The following ITSN2 variants were observed in gnomAD, a reference collection of about 807,000 sequenced individuals.
ITSN2 encodes the protein intersectin 2.
In ITSN2, 156 loss-of-function variants were observed where a neutral mutation model predicts 243.7. The observed-to-expected ratio is 0.64, with a 90% CI of 0.56 to 0.73. The LOEUF (loss-of-function observed/expected upper bound fraction) is 0.73, where lower values mean the gene tolerates loss of function less well. Ranked by LOEUF, ITSN2 falls within the 30% of genes least tolerant of loss-of-function variation. The pLI is 0.00. For synonymous variants in ITSN2, 703 were observed against 699.9 expected (o/e 1.00, Z -0.07); for missense variants, 1,801 against 1,996.1 (o/e 0.90, Z 1.86).
chr2:24,260,347 T>C (rs1675660573), intron 22 of ITSN2, among the ~76,000 whole-genome samples: 1 of 152,086 alleles, frequency 6.6e-6, no homozygotes, highest in Non-Finnish European at 1.5e-5. Context: ...GACTTTATTC[T>C]GATGAAGTCT....
chr2:24,248,750 T>G lies in ITSN2; in HGVS notation c.3167A>C (p.Glu1056Ala). The change falls in exon 27 of 40, where the codon GAG (glutamate) becomes GCG (alanine). Residue 1056 changes from glutamate to alanine, a missense_variant and splice_region_variant. Transcript: ENST00000355123. ...SKSGASNKKP[E>A]IAQVTSAYVA... ...ATATGCTGAAGTTACCTGAGCAATC[T>G]CTGAAAAGACAAAGAAGAAACTATG... 5 of 1,613,326 alleles carry G rather than the reference T, an allele frequency of 3.1e-6. No individual in the cohort carries two copies. Among genetic ancestry groups the G allele is most frequent in the Non-Finnish European group, 4.2e-6 (5 of 1,179,714 alleles).
At chr2:24,245,057 A>G (rs1673171122) in intron 29 of ITSN2, among the ~76,000 whole-genome samples, 1 of 152,228 alleles carries the variant, frequency 6.6e-6, no homozygotes, top group South Asian at 2.1e-4. Flanking sequence ...TAAAAATAAA[A>G]CTAAAAATTA....
chr2:24,274,319 C>T (rs1677751528), intron 18 of ITSN2, among the ~76,000 whole-genome samples: 1 of 152,156 alleles, frequency 6.6e-6, no homozygotes, highest in South Asian at 2.1e-4. Context: ...CCTATAATCC[C>T]AGCACTTTAG....
In ITSN2 at chr2:24,251,309, C is replaced by CAAAAAAAAAAAAAAAAA. The variant is rs1553355845; in HGVS notation, c.3120+1035_3120+1036insTTTTTTTTTTTTTTTTT. 6.1e-3 allele frequency among the ~76,000 whole-genome samples: 134 copies of CAAAAAAAAAAAAAAAAA among 22,010 alleles called. 62 individuals are homozygous for CAAAAAAAAAAAAAAAAA. The highest frequency in any genetic ancestry group is 0.056 in the Middle Eastern group (2 of 36). 14.4% of individuals were successfully genotyped at this position (22,010 alleles called of 152,430 possible). ...TGGGCAACAGAACTAAACTCCATCTCAAAAAAAAAAAAAAATAAAATATAT... is the reference window on the plus strand; with the variant it reads ...TGGGCAACAGAACTAAACTCCATCTCAAAAAAAAAAAAAAAAAAAAAAAAAAAAAAAATAAAATATAT... On this transcript the variant is annotated intron_variant, in intron 25 of 39. Transcript: ENST00000355123.
At chr2:24,267,460 T>C (rs1290759636) in intron 20 of ITSN2, among the ~76,000 whole-genome samples, 1 of 151,940 alleles carries the variant, frequency 6.6e-6, no homozygotes, top group Non-Finnish European at 1.5e-5. Flanking sequence ...GGTACACATA[T>C]GTACATACAT....
Position 24,252,256 on chromosome 2 carries a change from C to T in ITSN2, c.3120+89G>A, listed in dbSNP as rs1159808379. The T allele has an allele frequency of 1.5e-5, 15 of 971,170 alleles. No homozygotes were observed. The East Asian group carries it at 3.5e-4, about 23-fold the overall frequency. 60.2% of individuals were successfully genotyped at this position (971,170 alleles called of 1,614,324 possible). A position where few individuals can be genotyped will look rare whatever the true frequency, so the allele number is the denominator to read the frequency against. ...ATCTCTAAGTATAAATCTTGATTAA[C>T]AAGAATGGGTTGATTTTATTTTTAA... On this transcript the variant is annotated intron_variant, in intron 25 of 39. Transcript: ENST00000355123.
At chr2:24,334,022 G>A (rs1362245612) in intron 1 of ITSN2, among the ~76,000 whole-genome samples, 44 of 151,632 alleles carry the variant, frequency 2.9e-4, no homozygotes, top group Admixed American at 6.6e-5. Flanking sequence ...CTTAAGTAGC[G>A]GGGACTACAA....
At chr2:24,359,974 C>T (rs1688802428) in intron 1 of ITSN2, among the ~76,000 whole-genome samples, 2 of 152,212 alleles carry the variant, frequency 1.3e-5, no homozygotes, top group African/African-American at 4.8e-5. Context: ...CACGCCACCC[C>T]CGACCCTCGC....
chr2:24,264,373 A>G (rs1480080105), intron 20 of ITSN2, among the ~76,000 whole-genome samples: 2 of 150,458 alleles, frequency 1.3e-5, no homozygotes, highest in African/African-American at 2.4e-5. Context: ...GGGCAACAAG[A>G]GCGAAACTCT....
At chr2:24,327,666 G>C (rs911700454) in intron 2 of ITSN2, among the ~76,000 whole-genome samples, 1 of 151,790 alleles carries the variant, frequency 6.6e-6, no homozygotes, top group Non-Finnish European at 1.5e-5. Flanking sequence ...TTATCTAAAG[G>C]GAAAACATAA....
chr2:24,205,190 T>C (rs976197129), intron 38 of ITSN2, 24 bp downstream of exon 38: 7 of 1,599,036 alleles, frequency 4.4e-6, no homozygotes, highest in Non-Finnish European at 6.0e-6. Flanking sequence ...TTATGTCTGC[T>C]GAATGAATCA....
Position 24,271,843 on chromosome 2 carries a change from T to C in ITSN2, c.2180A>G (p.Lys727Arg). 1 of 1,610,910 alleles carries C rather than the reference T, an allele frequency of 6.2e-7. No homozygotes were observed. Among genetic ancestry groups the C allele is most frequent in the East Asian group, 2.2e-5 (1 of 44,802 alleles). Reference protein sequence around the residue: ...KRLQEEKTQEKIQEEERKAEE... With the variant: ...KRLQEEKTQERIQEEERKAEE... ...AGCTTTCCGTTCCTCTTCTTGAATTTTTTCTTGTGTTTTTTCTTCCTGGAG... is the reference window on the plus strand; with the variant it reads ...AGCTTTCCGTTCCTCTTCTTGAATTCTTTCTTGTGTTTTTTCTTCCTGGAG... Residue 727 changes from lysine (K) to arginine (R), a missense_variant, in exon 19 of 40, where the codon AAA (lysine) becomes AGA (arginine). Physicochemically the swap from Lys to Arg is conservative, Grantham distance 26. Coordinates refer to ENST00000355123, the MANE Select transcript of ITSN2 (RefSeq NM_006277.3).
At position 24,211,329 on chromosome 2, in the gene ITSN2, T is replaced by C. The variant is rs185852480; in HGVS notation, c.4090-382A>G. Among the ~76,000 whole-genome samples, 11 of 152,320 alleles carry C rather than the reference T, an allele frequency of 7.2e-5. No homozygotes were observed. The East Asian group carries it at 2.1e-3, about 29-fold the overall frequency. The stretch of plus-strand genomic sequence containing the variant: ...GCAGCTGTGGTAAGTGTGAACTTGC[T>C]GAATAGCAATGGTTCATAACAATTT... On this transcript the variant is annotated intron_variant, in intron 33 of 39. Transcript: ENST00000355123. The surrounding 1 kb of genome is among the most constrained non-coding windows in gnomAD (Gnocchi z 4.1).
chr2:24,308,982 C>T (rs1682905461), intron 7 of ITSN2: 1 of 517,952 alleles, frequency 1.9e-6, no homozygotes, highest in African/African-American at 2.0e-5. Flanking sequence ...ATTAGATTCT[C>T]ATAAGAGTGC....
chr2:24,293,594 A>T lies in ITSN2; in HGVS notation c.1723+94T>A, dbSNP rs540409553. 7.5e-6 allele frequency: 4 copies of T among 531,412 alleles called. No individual in the cohort carries two copies. The African/African-American group carries it at 8.1e-5, about 11-fold the overall frequency. 32.9% of individuals were successfully genotyped at this position (531,412 alleles called of 1,614,324 possible). A position where few individuals can be genotyped will look rare whatever the true frequency, so the allele number is the denominator to read the frequency against. ...ACAGGCAAAAAGTGTTATTTATAAC[A>T]GAATACTTTTTTTAATTTTAAAAAA... On this transcript the variant is annotated intron_variant, in intron 15 of 39. Coordinates refer to ENST00000355123, the MANE Select transcript of ITSN2 (RefSeq NM_006277.3).
chr2:24,288,572 T>C (rs1176038219), intron 15 of ITSN2, among the ~76,000 whole-genome samples: 1 of 152,164 alleles, frequency 6.6e-6, no homozygotes, highest in African/African-American at 2.4e-5. Context: ...CTTGTATTTA[T>C]AGTACGCATG....
chr2:24,233,784 G>T (rs115220991), intron 29 of ITSN2, among the ~76,000 whole-genome samples: 2 of 152,104 alleles, frequency 1.3e-5, no homozygotes, highest in Non-Finnish European at 2.9e-5. Flanking sequence ...GCTAAGGCTC[G>T]GAGGGGTGAG....
At chr2:24,296,868 G>A (rs148608272) in intron 13 of ITSN2, among the ~76,000 whole-genome samples, 15 of 152,166 alleles carry the variant, frequency 9.9e-5, no homozygotes, top group African/African-American at 3.6e-4. Context: ...AGGAACATGT[G>A]TATCTCTGCT....
intron 37 of ITSN2, among the ~76,000 whole-genome samples, chr2:24,207,429 C>T (rs996546278): frequency 6.6e-6 from 1 of 151,962 alleles, no homozygotes; most frequent in Non-Finnish European, 1.5e-5. Context: ...TGGGAAAAGC[C>T]GATGTGTGAT....
Sources: allele counts gnomAD v4.1 joint callset (sites outside exome capture counted in the v4.1 genomes callset), GRCh38; gene constraint gnomAD v4.1.1; non-coding constraint Gnocchi (gnomAD v3.1); transcripts MANE v1.5; gene names NCBI Gene and HGNC (gene_info 2026-07-23, HGNC 2026-07-21).